The following TTLL5 variants were observed in gnomAD, a reference collection of about 807,000 sequenced individuals.
The protein encoded by TTLL5 is tubulin polyglutamylase TTLL5.
In TTLL5, 132 loss-of-function variants were observed where a neutral mutation model predicts 168.4. That is an observed-to-expected ratio of 0.78 (90% confidence interval 0.68 to 0.91). The LOEUF (loss-of-function observed/expected upper bound fraction) is 0.91. Among genes scored for constraint, TTLL5 ranks in the 40% least tolerant of loss-of-function variants. TTLL5 has a pLI of 0.00. For synonymous variants in TTLL5, 546 were observed against 558.6 expected, an observed-to-expected ratio of 0.98 and a Z score of 0.32; for missense variants, 1,545 against 1,581.5, an observed-to-expected ratio of 0.98 and a Z score of 0.39.
intron 19 of TTLL5, 45 bp from the exon 20 acceptor site, chr14:75,766,017 C>T: frequency 1.3e-6 from 2 of 1,536,526 alleles, no homozygotes; most frequent in Admixed American, 1.9e-5. Flanking sequence ...GAGAGAGGAA[C>T]ATTTAATCCT....
chr14:75,895,834 G>A (rs2032634737), intron 30 of TTLL5, among the ~76,000 whole-genome samples: 1 of 152,198 alleles, frequency 6.6e-6, no homozygotes, highest in African/African-American at 2.4e-5. Context: ...ACAGTCAGGT[G>A]CATGGCAGAA....
At chr14:75,747,155 G>T (rs1239891626) in intron 17 of TTLL5, among the ~76,000 whole-genome samples, 1 of 151,264 alleles carries the variant, frequency 6.6e-6, no homozygotes, top group African/African-American at 2.4e-5. Flanking sequence ...GGATGGTTTT[G>T]TATTTCTGTG....
chr14:75,914,063 C>T (rs1427696718), intron 31 of TTLL5, among the ~76,000 whole-genome samples: 6 of 115,878 alleles, frequency 5.2e-5, no homozygotes, highest in African/African-American at 1.3e-4. Flanking sequence ...TATTTTATCC[C>T]CTAAGGGCCC....
chr14:75,681,988 G>A (rs927742529), intron 4 of TTLL5, among the ~76,000 whole-genome samples: 1 of 151,818 alleles, frequency 6.6e-6, no homozygotes, highest in Non-Finnish European at 1.5e-5. Context: ...TCAGGAGATC[G>A]AGACCATCCT....
At chr14:75,754,485 C>T (rs538615722) in intron 18 of TTLL5, among the ~76,000 whole-genome samples, 6 of 152,206 alleles carry the variant, frequency 3.9e-5, no homozygotes, top group Admixed American at 6.5e-5. Context: ...CTGACATGGA[C>T]ACTGCACTTG....
chr14:75,868,593 A>G (rs2030732430), intron 29 of TTLL5, among the ~76,000 whole-genome samples: 1 of 152,204 alleles, frequency 6.6e-6, no homozygotes, highest in African/African-American at 2.4e-5. Context: ...GAGGTCTTTC[A>G]GTTTGCTGGT....
In TTLL5 at chr14:75,714,527, GTTTA is replaced by G. The variant is rs532756174; in HGVS notation, c.741-3327_741-3324del. On this transcript the variant is annotated intron_variant, in intron 9 of 31. Transcript: ENST00000298832. ...CTGTGAGGAAGAGCTTTATCTTCTC[GTTTA>G]TTTATTCATCTATTTATTTATACCA... is the stretch of plus-strand genomic sequence containing the variant. Among the ~76,000 whole-genome samples, 10 of 152,062 alleles carry G rather than the reference GTTTA, an allele frequency of 6.6e-5. No homozygotes were observed. The South Asian group carries it at 1.9e-3, about 28-fold the overall frequency.
chr14:75,731,591 A>G (rs562977847), intron 12 of TTLL5, among the ~76,000 whole-genome samples: 7 of 152,184 alleles, frequency 4.6e-5, no homozygotes, highest in Non-Finnish European at 8.8e-5. Context: ...AGGTAGAGAA[A>G]GAGAATCAAT....
At chr14:75,832,774 CAGTT>C (rs952564825) in intron 28 of TTLL5, among the ~76,000 whole-genome samples, 8 of 152,198 alleles carry the variant, frequency 5.3e-5, no homozygotes, top group Non-Finnish European at 8.8e-5. Context: ...TCACGTTACT[CAGTT>C]AGTTTGGCAC....
rs200139158 is a variant in TTLL5, at chr14:75,663,210, G to T, written c.61G>T (p.Val21Phe). 6.2e-7 allele frequency: 1 copy of T among 1,612,698 alleles called. No homozygotes were observed. Among genetic ancestry groups the T allele is most frequent in the East Asian group, 2.2e-5 (1 of 44,878 alleles). Residue 21 changes from valine to phenylalanine, a missense_variant, in exon 2 of 32, where the codon GTC becomes TTC. By Grantham distance (50) the Val-to-Phe change is conservative. Transcript: ENST00000298832. ...ETASSSEDEE[V>F]ISQEDHPCIM... The stretch of plus-strand genomic sequence containing the variant: ...AGCATCATCCTCAGAGGATGAGGAG[G>T]TCATAAGTCAAGAGTAAGTAATAGC...
At chr14:75,723,894 T>A (rs2140212933) in intron 12 of TTLL5, among the ~76,000 whole-genome samples, 1 of 152,304 alleles carries the variant, frequency 6.6e-6, no homozygotes, top group East Asian at 1.9e-4. Flanking sequence ...GGATTTTGTG[T>A]GCTTCATTAA....
chr14:75,669,074 T>C (rs995416201), intron 2 of TTLL5, among the ~76,000 whole-genome samples: 1 of 152,198 alleles, frequency 6.6e-6, no homozygotes, highest in Non-Finnish European at 1.5e-5. Context: ...GTAGCCATTA[T>C]AGAAGAGAAA....
At chr14:75,881,781 G>A (rs947293589) in intron 29 of TTLL5, among the ~76,000 whole-genome samples, 24 of 152,144 alleles carry the variant, frequency 1.6e-4, no homozygotes, top group Non-Finnish European at 2.5e-4. Context: ...TACAATGCAT[G>A]TTGAAAGCAG....
intron 19 of TTLL5, 31 bp from the exon 20 acceptor site, chr14:75,766,031 T>A (rs372840200): frequency 1.5e-5 from 24 of 1,573,150 alleles, no homozygotes; most frequent in Non-Finnish European, 1.9e-5. Flanking sequence ...TAATCCTTTT[T>A]TCAGCAACAT....
intron 26 of TTLL5, among the ~76,000 whole-genome samples, chr14:75,791,167 T>C (rs1368481763): frequency 2.0e-5 from 3 of 150,656 alleles, no homozygotes. Flanking sequence ...ATTTACATAC[T>C]TTGTGACCCA....
intron 28 of TTLL5, among the ~76,000 whole-genome samples, chr14:75,839,409 G>A (rs1210987331): frequency 1.3e-5 from 2 of 152,164 alleles, no homozygotes; most frequent in Non-Finnish European, 2.9e-5. Flanking sequence ...ATCTGTATTA[G>A]TTTGTTCTCA....
At chr14:75,722,916 T>C (rs1161227496) in intron 12 of TTLL5, among the ~76,000 whole-genome samples, 1 of 152,192 alleles carries the variant, frequency 6.6e-6, no homozygotes, top group African/African-American at 2.4e-5. Flanking sequence ...CAAAGTCAAG[T>C]GTCACTTCTT....
intron 30 of TTLL5, among the ~76,000 whole-genome samples, chr14:75,890,853 G>T (rs2032367407): frequency 6.6e-6 from 1 of 152,142 alleles, no homozygotes; most frequent in African/African-American, 2.4e-5. Context: ...CAGAGTAGCT[G>T]GGACTACAGG....
chr14:75,731,194 G>A (rs551131345), intron 12 of TTLL5, among the ~76,000 whole-genome samples: 64 of 152,176 alleles, frequency 4.2e-4, no homozygotes, highest in African/African-American at 1.2e-3. Context: ...AAAATACCTC[G>A]TTGTGTTCTG....
Sources: gnomAD v4.1 joint callset for allele counts (sites outside exome capture counted in the v4.1 genomes callset) on GRCh38, gnomAD v4.1.1 for gene constraint, MANE v1.5 for transcripts, NCBI Gene and HGNC (gene_info 2026-07-23, HGNC 2026-07-21) for gene names.